Variants in SETX observed in about 807,000 individuals in gnomAD.
SETX encodes the protein helicase senataxin.
SETX carries 90 observed loss-of-function variants against 227.2 expected under a neutral mutation model. The ratio of observed to expected loss-of-function variants is 0.40; its 90% CI spans 0.33 to 0.47. SETX has a LOEUF of 0.47. Among genes scored for constraint, SETX ranks in the 20% least tolerant of loss-of-function variants. The probability of loss-of-function intolerance (pLI) is 0.91; values close to 1 mark genes in which losing one functional copy is unlikely to be tolerated. For missense variants in SETX, 3,052 were observed against 3,181.5 expected (o/e 0.96, Z 0.98); for synonymous variants, 1,210 against 1,113.2 (o/e 1.09, Z -1.73).
In SETX at chr9:132,264,627, A is replaced by C; in HGVS notation, c.7646T>G (p.Val2549Gly). 1 of 1,614,142 alleles carries C rather than the reference A, an allele frequency of 6.2e-7. No homozygotes were observed. The highest frequency in any genetic ancestry group is 8.5e-7 in the Non-Finnish European group (1 of 1,180,038). ...PRLLKRMGIE[V>G]KGGIFLWDPQ... ...ATCCCAAAGGAATATTCCTCCTTTG[A>C]CCTCAATGCCCATCCTCTTCAGCAG... is the stretch of plus-strand genomic sequence containing the variant. The change falls in exon 26 of 26, where the codon GTC (valine) becomes GGC (glycine). Residue 2549 changes from valine (V) to glycine (G), a missense_variant. Transcript: ENST00000224140.
rs552097526 is a variant in SETX, at chr9:132,325,783, T to C, written c.5274+541A>G. Among the ~76,000 whole-genome samples the C allele has an allele frequency of 5.9e-5, 9 of 151,672 alleles. No homozygotes were observed. The East Asian group carries it at 1.4e-3, about 23-fold the overall frequency. On this transcript the variant is annotated intron_variant, in intron 10 of 25. Coordinates refer to ENST00000224140, the MANE Select transcript of SETX (RefSeq NM_015046.7). Reference sequence around the variant, plus strand: ...CCCCTTCTCTACTAAAAATACAAAATTAGTGAGGCCTGGTGGCGCAGGCCT... The same window carrying C: ...CCCCTTCTCTACTAAAAATACAAAACTAGTGAGGCCTGGTGGCGCAGGCCT...
rs201267861 is a variant in SETX at position 132,333,391 on chromosome 9, AAAAAAAG to A, written c.838+1210_838+1216del. Among the ~76,000 whole-genome samples the A allele has an allele frequency of 3.9e-3, 228 of 58,416 alleles. 10 individuals are homozygous for A. The highest frequency in any genetic ancestry group is 0.011 in the African/African-American group (115 of 10,146). The allele number at this position is 58,416 out of a possible 152,430, so 38.3% of individuals were successfully genotyped here. A position where few individuals can be genotyped will look rare whatever the true frequency, so the allele number is the denominator to read the frequency against. On this transcript the variant is annotated intron_variant, in intron 7 of 25. Transcript: ENST00000224140. ...AGACTTGGTCTCAAAAAGAAAAAAA[AAAAAAAG>A]AAAAAAAAAAATATATATACACACA...
intron 25 of SETX, among the ~76,000 whole-genome samples, 188 bp from the exon 26 acceptor site, chr9:132,265,173 T>C (rs922205359): frequency 1.4e-5 from 2 of 144,274 alleles, no homozygotes; most frequent in Non-Finnish European, 3.0e-5. Context: ...TAAAGTCCCA[T>C]TCCTAAAAAT....
intron 16 of SETX, 33 bp downstream of exon 16, chr9:132,288,516 GA>G: frequency 6.5e-7 from 1 of 1,542,970 alleles, no homozygotes; most frequent in Non-Finnish European, 9.0e-7. Flanking sequence ...ACAAAACAGA[GA>G]AAACACTAGT....
intron 10 of SETX, among the ~76,000 whole-genome samples, chr9:132,317,406 T>C (rs931266062): frequency 6.6e-6 from 1 of 152,252 alleles, no homozygotes; most frequent in African/African-American, 2.4e-5. Context: ...TGAATATCTG[T>C]AGCAGCTGTC....
Position 132,264,700 on chromosome 9 carries a change from T to C in SETX, c.7573A>G (p.Lys2525Glu), listed in dbSNP as rs1254333003. The change falls in exon 26 of 26, where the codon AAG becomes GAG. Residue 2525 changes from lysine to glutamate, a missense_variant. Coordinates refer to ENST00000224140, the MANE Select transcript of SETX (RefSeq NM_015046.7). ...SKEITLTVTS[K>E]DPERPPVHDQ... ...TGAACAGGAGGTCTTTCAGGGTCCT[T>C]TGAAGTAACAGTAAGAGTAATTTCC... The C allele has an allele frequency of 8.7e-6, 14 of 1,614,128 alleles. No homozygotes were observed. Among genetic ancestry groups the C allele is most frequent in the African/African-American group, 4.0e-5 (3 of 74,936 alleles).
In SETX at chr9:132,327,629, T is replaced by G; in HGVS notation, c.3969A>C (p.Arg1323=). 1 of 1,614,054 alleles carries G rather than the reference T, an allele frequency of 6.2e-7. No homozygotes were observed. Residue 1323 remains arginine, a synonymous_variant, in exon 10 of 26, where the codon CGA becomes CGC. Coordinates refer to ENST00000224140, the MANE Select transcript of SETX (RefSeq NM_015046.7). ...GAGGAGAAATTAATTTAGTCTTTTTTCGGGTATCAACTACTCCAACAGTTT... is the reference window on the plus strand; with the variant it reads ...GAGGAGAAATTAATTTAGTCTTTTTGCGGGTATCAACTACTCCAACAGTTT... ...HGKTVGVVDT[R]KKTKLISPQN... is the part of the protein sequence containing the mutation.
intron 10 of SETX, among the ~76,000 whole-genome samples, chr9:132,313,560 A>C (rs1770204328): frequency 6.6e-6 from 1 of 152,232 alleles, no homozygotes; most frequent in South Asian, 2.1e-4. Context: ...TATACTCAAT[A>C]TACTACATAA....
chr9:132,308,910 G>A (rs1186206969), intron 11 of SETX, among the ~76,000 whole-genome samples: 7 of 152,204 alleles, frequency 4.6e-5, no homozygotes, highest in East Asian at 1.9e-4. Context: ...AGGCCAAGAC[G>A]GGCAGATAAC....
At chr9:132,304,368 G>A (rs572166138) in intron 11 of SETX, among the ~76,000 whole-genome samples, 1 of 152,226 alleles carries the variant, frequency 6.6e-6, no homozygotes, top group Non-Finnish European at 1.5e-5. Flanking sequence ...TTAGGGTCCT[G>A]CAAGACCCTC....
intron 19 of SETX, chr9:132,282,985 G>A (rs1843628444): frequency 4.3e-6 from 2 of 462,180 alleles, no homozygotes; most frequent in South Asian, 2.1e-5. Flanking sequence ...AAGGTTACCA[G>A]AGATATTCTA....
At chr9:132,307,011 T>G (rs993027052) in intron 11 of SETX, among the ~76,000 whole-genome samples, 1 of 152,254 alleles carries the variant, frequency 6.6e-6, no homozygotes, top group Admixed American at 6.5e-5. Flanking sequence ...TCCCTGCACT[T>G]TGGGAGGCCA....
intron 10 of SETX, among the ~76,000 whole-genome samples, chr9:132,319,918 T>C (rs554358014): frequency 1.1e-3 from 166 of 152,028 alleles, no homozygotes; most frequent in African/African-American, 3.9e-3. Flanking sequence ...CAACCTACAA[T>C]GACCTCTACA....
At chr9:132,307,247 CTG>C (rs1413826910) in intron 11 of SETX, among the ~76,000 whole-genome samples, 1 of 151,802 alleles carries the variant, frequency 6.6e-6, no homozygotes, top group Non-Finnish European at 1.5e-5. Context: ...GAGCAAGACT[CTG>C]TCTCAAAAAA....
chr9:132,331,955 G>A (rs764162764), intron 7 of SETX, among the ~76,000 whole-genome samples: 3 of 152,116 alleles, frequency 2.0e-5, no homozygotes, highest in Admixed American at 6.6e-5. Context: ...TTTGTGTCAC[G>A]CATCTAGTGT....
chr9:132,355,504 A>G (rs1848863577), upstream of SETX, among the ~76,000 whole-genome samples: 1 of 152,196 alleles, frequency 6.6e-6, no homozygotes, highest in Non-Finnish European at 1.5e-5. Context: ...AGAAAGGGAG[A>G]CCTTAGGTCT....
At chr9:132,303,644 T>C (rs1209030567) in intron 11 of SETX, among the ~76,000 whole-genome samples, 2 of 151,656 alleles carry the variant, frequency 1.3e-5, no homozygotes, top group Non-Finnish European at 2.9e-5. Context: ...CCAGAATATA[T>C]AAAGAACTGA....
At chr9:132,348,681 A>G (rs1848444858) in intron 3 of SETX, among the ~76,000 whole-genome samples, 1 of 152,050 alleles carries the variant, frequency 6.6e-6, no homozygotes, top group Admixed American at 6.6e-5. Flanking sequence ...TAATTCCAAC[A>G]CTGGGGGGCC....
chr9:132,278,033 C>T (rs1190062403), intron 21 of SETX, 37 bp downstream of exon 21: 28 of 1,586,860 alleles, frequency 1.8e-5, no homozygotes, highest in Non-Finnish European at 2.2e-5. Flanking sequence ...AGCTAAACTA[C>T]AACAAAATAA....
Sources: allele counts gnomAD v4.1 joint callset (sites outside exome capture counted in the v4.1 genomes callset), GRCh38; gene constraint gnomAD v4.1.1; transcripts MANE v1.5; gene names NCBI Gene and HGNC (gene_info 2026-07-23, HGNC 2026-07-21).